Variants in USP45 observed in about 807,000 individuals in gnomAD.
USP45 encodes the protein ubiquitin carboxyl-terminal hydrolase 45.
A neutral mutation model predicts 95.8 loss-of-function variants in USP45; 89 were observed. The observed-to-expected ratio is 0.93, with a 90% CI of 0.78 to 1.11. The LOEUF (loss-of-function observed/expected upper bound fraction) is 1.11, where lower values mean the gene tolerates loss of function less well. USP45 is among the 50% of genes least tolerant of loss of function. The pLI, the probability that USP45 is intolerant of heterozygous loss-of-function variation, is 0.00. For missense variants in USP45, 898 were observed against 942.5 expected (o/e 0.95, Z 0.62); for synonymous variants, 281 against 316.2 (o/e 0.89, Z 1.18).
intron 7 of USP45, among the ~76,000 whole-genome samples, chr6:99,483,290 C>A (rs1053111386): frequency 1.3e-5 from 2 of 151,984 alleles, no homozygotes; most frequent in Non-Finnish European, 2.9e-5. Context: ...TTTCTTTTCC[C>A]CAAATATTTT....
In USP45 at chr6:99,507,464, T is replaced by C. The variant is rs770167084; in HGVS notation, c.341A>G (p.His114Arg). The stretch of plus-strand genomic sequence containing the variant: ...TGTGCTCAGATTAATTATAATACAA[T>C]GGGGCTCTGTTCTGGAACTCTTAAA... ...KHFKSSRTEPHCIIINLSTWI... is the reference protein window; with the variant it reads ...KHFKSSRTEPRCIIINLSTWI... Residue 114 changes from histidine to arginine, a missense_variant, in exon 4 of 18, where the codon CAT (histidine) becomes CGT (arginine). His to Arg is a conservative substitution (Grantham distance 29). Coordinates refer to ENST00000500704, the MANE Select transcript of USP45 (RefSeq NM_001346022.3). 6.2e-6 allele frequency: 10 copies of C among 1,612,676 alleles called. No individual in the cohort carries two copies. The highest frequency in any genetic ancestry group is 2.7e-5 in the African/African-American group (2 of 74,878).
chr6:99,451,143 C>T (rs1322345769), intron 13 of USP45, among the ~76,000 whole-genome samples: 3 of 152,208 alleles, frequency 2.0e-5, no homozygotes, highest in Non-Finnish European at 4.4e-5. Context: ...GATGCCCTCT[C>T]TCACCACTCC....
intron 13 of USP45, among the ~76,000 whole-genome samples, chr6:99,447,637 A>C (rs958871303): frequency 6.6e-6 from 1 of 152,188 alleles, no homozygotes; most frequent in South Asian, 2.1e-4. Flanking sequence ...CAGCCCAACA[A>C]AAGGCAGCAG....
intron 7 of USP45, among the ~76,000 whole-genome samples, chr6:99,484,975 A>T (rs1793501310): frequency 6.6e-6 from 1 of 152,102 alleles, no homozygotes; most frequent in Admixed American, 6.5e-5. Context: ...CTCAATGAAA[A>T]TATTTTTTAG....
At chr6:99,476,857 T>C (rs908380438) in intron 8 of USP45, among the ~76,000 whole-genome samples, 1 of 152,234 alleles carries the variant, frequency 6.6e-6, no homozygotes, top group African/African-American at 2.4e-5. Context: ...CCTGTGAATA[T>C]GTTTTTTAAG....
intron 5 of USP45, among the ~76,000 whole-genome samples, chr6:99,499,021 C>T (rs938094339): frequency 5.3e-5 from 8 of 152,228 alleles, no homozygotes; most frequent in African/African-American, 1.4e-4. Flanking sequence ...AGTGATCTGC[C>T]TGCCTCAGCC....
intron 13 of USP45, among the ~76,000 whole-genome samples, chr6:99,453,875 G>A (rs536220715): frequency 2.0e-5 from 3 of 152,246 alleles, no homozygotes; most frequent in South Asian, 2.1e-4. Flanking sequence ...CAGAAGAATC[G>A]CCTGAACCTG....
Position 99,488,232 on chromosome 6 carries a change from G to A in USP45, c.682C>T (p.Leu228Phe). 6.2e-7 allele frequency: 1 copy of A among 1,612,618 alleles called. No homozygotes were observed. The highest frequency in any genetic ancestry group is 1.3e-5 in the African/African-American group (1 of 75,006). ...MNEIKESSTK[L>F]KIFPSSDSQL... ...GAGTCTGAGGAAGGAAAAATCTTGA[G>A]TTTTGTACTACTTTCTTTGATCTCA... is the stretch of plus-strand genomic sequence containing the variant. Residue 228 changes from leucine to phenylalanine, a missense_variant, in exon 7 of 18, where the codon CTC becomes TTC. Leu to Phe is a conservative substitution (Grantham distance 22, BLOSUM62 0). Coordinates refer to ENST00000500704, the MANE Select transcript of USP45 (RefSeq NM_001346022.3).
chr6:99,489,577 A>C (rs56118462), intron 5 of USP45, among the ~76,000 whole-genome samples: 164 of 152,296 alleles, frequency 1.1e-3, no homozygotes, highest in Non-Finnish European at 1.9e-3. Context: ...TGTAATACAA[A>C]AAGTAAAATA....
In USP45 at chr6:99,445,925, T is replaced by C; in HGVS notation, c.1847A>G (p.Lys616Arg). The C allele has an allele frequency of 6.2e-7, 1 of 1,614,082 alleles. No individual in the cohort carries two copies. The highest frequency in any genetic ancestry group is 8.5e-7 in the Non-Finnish European group (1 of 1,180,012). ...TLSQSYITTS[K>R]ECSIQSCLYQ... ...GAGACAGGACTGAATTGAACATTCT[T>C]TAGAAGTAGTTATATAGCTCTGAGA... Residue 616 changes from lysine (K) to arginine (R), a missense_variant, in exon 14 of 18, where the codon AAA (lysine) becomes AGA (arginine). Physicochemically the swap from Lys to Arg is conservative, Grantham distance 26 (BLOSUM62 2). Coordinates refer to ENST00000500704, the MANE Select transcript of USP45 (RefSeq NM_001346022.3).
chr6:99,489,817 C>T (rs1410213439), intron 5 of USP45, among the ~76,000 whole-genome samples: 1 of 151,836 alleles, frequency 6.6e-6, no homozygotes, highest in Non-Finnish European at 1.5e-5. Flanking sequence ...CGTGGTGGTG[C>T]GTGCAAGCCT....
chr6:99,490,285 T>A (rs1794880372), intron 5 of USP45, among the ~76,000 whole-genome samples: 1 of 151,916 alleles, frequency 6.6e-6, no homozygotes, highest in Non-Finnish European at 1.5e-5. Flanking sequence ...TGTCTCAGCC[T>A]CCTAAGAAGC....
At chr6:99,439,221 G>A (rs1781060613) in intron 16 of USP45, among the ~76,000 whole-genome samples, 1 of 152,120 alleles carries the variant, frequency 6.6e-6, no homozygotes, top group Admixed American at 6.6e-5. Flanking sequence ...GGAAGACCAA[G>A]TCATCTACTT....
At chr6:99,449,612 T>G (rs571131417) in intron 13 of USP45, among the ~76,000 whole-genome samples, 1 of 150,050 alleles carries the variant, frequency 6.7e-6, no homozygotes, top group Non-Finnish European at 1.5e-5. Flanking sequence ...CTGTCAACAT[T>G]AGACAGATCA....
chr6:99,435,688 T>G lies in USP45; in HGVS notation c.*28A>C, dbSNP rs775320215. The G allele has an allele frequency of 6.3e-7, 1 of 1,593,288 alleles. No homozygotes were observed. The highest frequency in any genetic ancestry group is 1.7e-5 in the Admixed American group (1 of 58,540). ...TATCACTGTGGCATTCAAAAACAAATGACCTAAATAATCATTACCATTAAT... is the reference window on the plus strand; with the variant it reads ...TATCACTGTGGCATTCAAAAACAAAGGACCTAAATAATCATTACCATTAAT... On this transcript the variant is annotated 3_prime_UTR_variant, in exon 18 of 18. Coordinates refer to ENST00000500704, the MANE Select transcript of USP45 (RefSeq NM_001346022.3).
At chr6:99,436,101 C>T (rs1160449106) in intron 17 of USP45, among the ~76,000 whole-genome samples, 1 of 151,874 alleles carries the variant, frequency 6.6e-6, no homozygotes, top group Admixed American at 6.6e-5. Flanking sequence ...TTGCTGCACC[C>T]ATCAACCTGT....
chr6:99,449,706 C>A, intron 13 of USP45, among the ~76,000 whole-genome samples: 1 of 152,214 alleles, frequency 6.6e-6, no homozygotes, highest in East Asian at 1.9e-4. Flanking sequence ...ACAGAACTCT[C>A]CACCCCAAAT....
At chr6:99,487,796 G>A (rs893532130) in intron 7 of USP45, among the ~76,000 whole-genome samples, 3 of 151,340 alleles carry the variant, frequency 2.0e-5, no homozygotes, top group Non-Finnish European at 2.9e-5. Flanking sequence ...GCGAGACCCC[G>A]TCTCAAAAAA....
chr6:99,448,348 G>C (rs548427618), intron 13 of USP45, among the ~76,000 whole-genome samples: 3 of 152,158 alleles, frequency 2.0e-5, no homozygotes, highest in African/African-American at 7.2e-5. Flanking sequence ...GTCCTTAAAT[G>C]ACCTGATTGA....
Sources: allele counts gnomAD v4.1 joint callset (sites outside exome capture counted in the v4.1 genomes callset), GRCh38; gene constraint gnomAD v4.1.1; transcripts MANE v1.5; gene names NCBI Gene and HGNC (gene_info 2026-07-23, HGNC 2026-07-21).